Variants in KSR2 observed in about 807,000 individuals in gnomAD.
KSR2 encodes kinase suppressor of ras 2.
Under a neutral mutation model 107.8 loss-of-function variants are expected in KSR2, and 25 were observed. The observed-to-expected ratio is 0.23, with a 90% confidence interval of 0.17 to 0.32. The LOEUF is 0.32. KSR2 is among the 10% of genes least tolerant of loss of function. The pLI is 1.00. For synonymous variants in KSR2, 480 were observed against 507.0 expected, an observed-to-expected ratio of 0.95 and a Z score of 0.71; for missense variants, 887 against 1,268.9, an observed-to-expected ratio of 0.70 and a Z score of 4.57.
At chr12:117,502,796 C>T (rs1873457570) in intron 14 of KSR2, among the ~76,000 whole-genome samples, 1 of 152,168 alleles carries the variant, frequency 6.6e-6, no homozygotes, top group South Asian at 2.1e-4. Flanking sequence ...AAATAAAACA[C>T]CCTGATTTCA....
intron 16 of KSR2, among the ~76,000 whole-genome samples, chr12:117,482,441 G>T (rs1431485479): frequency 6.6e-6 from 1 of 152,172 alleles, no homozygotes; most frequent in Non-Finnish European, 1.5e-5. Context: ...AAGGATAAAA[G>T]CACAAGAAGT....
At chr12:117,478,546 A>G (rs1480690563) in intron 16 of KSR2, among the ~76,000 whole-genome samples, 1 of 151,744 alleles carries the variant, frequency 6.6e-6, no homozygotes. Flanking sequence ...CGACCCTCCC[A>G]TCTTCAGCCT....
rs201002406 is a variant in KSR2 at position 117,531,676 on chromosome 12, G to A, written c.1719C>T (p.Phe573=). The A allele has an allele frequency of 3.1e-4, 501 of 1,604,178 alleles. 1 individual carries two copies. In the African/African-American group the frequency reaches 5.9e-3, roughly 19 times the overall value. Residue 573 remains phenylalanine (F), a synonymous_variant, in exon 11 of 20, where the codon TTC becomes TTT. Coordinates refer to ENST00000339824, the MANE Select transcript of KSR2 (RefSeq NM_173598.6). ...ASHYYKYKQQ[F]IFPDVVPVPE... is the part of the protein sequence containing the mutation. ...TCACATGAAACTCACCTGGGAAGATGAACTGCTGCTTGTATTTGTAGTAGT... is the reference window on the plus strand; with the variant it reads ...TCACATGAAACTCACCTGGGAAGATAAACTGCTGCTTGTATTTGTAGTAGT...
chr12:117,549,737 TA>T (rs1565895636), intron 9 of KSR2, among the ~76,000 whole-genome samples: 1 of 152,058 alleles, frequency 6.6e-6, no homozygotes, highest in Non-Finnish European at 1.5e-5. Context: ...TCTGCAAAAC[TA>T]AGCACAGAAA....
At chr12:117,956,570 TA>T (rs1324544411) in intron 1 of KSR2, among the ~76,000 whole-genome samples, 1 of 152,034 alleles carries the variant, frequency 6.6e-6, no homozygotes, top group Non-Finnish European at 1.5e-5. Flanking sequence ...TTTGTCTCGC[TA>T]AAAAATAAAA....
intron 5 of KSR2, among the ~76,000 whole-genome samples, chr12:117,616,033 A>G (rs1425820949): frequency 2.0e-5 from 3 of 152,034 alleles, no homozygotes; most frequent in Non-Finnish European, 4.4e-5. Flanking sequence ...ACACGCCCAT[A>G]GTCCCAGATA....
At chr12:117,961,487 T>A (rs1230215030) in intron 1 of KSR2, among the ~76,000 whole-genome samples, 2 of 152,174 alleles carry the variant, frequency 1.3e-5, no homozygotes, top group South Asian at 2.1e-4. Context: ...GCCATGGGAC[T>A]TATATTATCT....
In KSR2 at chr12:117,869,740, G is replaced by C. The variant is rs140780313; in HGVS notation, c.181-9309C>G. 1.5e-3 allele frequency among the ~76,000 whole-genome samples: 230 copies of C among 152,284 alleles called. 1 individual carries two copies. Among genetic ancestry groups the C allele is most frequent in the African/African-American group, 5.3e-3 (219 of 41,550 alleles). ...TGCATGAAGGATTCCTTTGATACCT[G>C]GGTGAAAAGCCCATGATGTGAGCAG... On this transcript the variant is annotated intron_variant, in intron 1 of 19. Transcript: ENST00000339824.
At chr12:117,585,485 T>TGCA (rs1879929647) in intron 5 of KSR2, among the ~76,000 whole-genome samples, 1 of 152,222 alleles carries the variant, frequency 6.6e-6, no homozygotes, top group Non-Finnish European at 1.5e-5. Context: ...ATTAAGTGGC[T>TGCA]GCAGCATCAT....
intron 14 of KSR2, among the ~76,000 whole-genome samples, chr12:117,502,583 A>C (rs1187509542): frequency 6.6e-6 from 1 of 152,126 alleles, no homozygotes; most frequent in Non-Finnish European, 1.5e-5. Context: ...CTAAAATTAG[A>C]TTTTGGTGAT....
intron 16 of KSR2, among the ~76,000 whole-genome samples, chr12:117,478,326 A>C (rs1871927024): frequency 6.6e-6 from 1 of 152,228 alleles, no homozygotes; most frequent in African/African-American, 2.4e-5. Context: ...ATTATGCCAG[A>C]AATATCCTCT....
intron 1 of KSR2, among the ~76,000 whole-genome samples, chr12:117,947,253 GAAAGAAGATAA>G (rs1566094716): frequency 0.012 from 1,421 of 123,406 alleles, 13 homozygotes; most frequent in Middle Eastern, 0.022. Flanking sequence ...AAGAAAGAAA[GAAAGAAGATAA>G]ACCACATGAC....
intron 5 of KSR2, among the ~76,000 whole-genome samples, chr12:117,665,736 AC>A (rs1884632701): frequency 6.6e-6 from 1 of 152,208 alleles, no homozygotes; most frequent in South Asian, 2.1e-4. Flanking sequence ...TCTAATCCTC[AC>A]AACTGTCTAC....
At chr12:117,885,608 TTATA>T (rs917375750) in intron 1 of KSR2, among the ~76,000 whole-genome samples, 14 of 151,676 alleles carry the variant, frequency 9.2e-5, no homozygotes, top group African/African-American at 3.4e-4. Flanking sequence ...ATACCTATAA[TTATA>T]TATGTGTATT....
intron 1 of KSR2, among the ~76,000 whole-genome samples, chr12:117,955,034 T>A (rs193064342): frequency 0.086 from 12,884 of 150,018 alleles, 678 homozygotes; most frequent in Middle Eastern, 0.17. Context: ...AAAAAAAAAA[T>A]TTGCCATGTA....
At chr12:117,608,584 T>C (rs1280543506) in intron 5 of KSR2, among the ~76,000 whole-genome samples, 2 of 152,232 alleles carry the variant, frequency 1.3e-5, no homozygotes, top group East Asian at 3.9e-4. Flanking sequence ...CCACCCTATG[T>C]ATAGGTGCCC....
In KSR2 at chr12:117,833,241, T is replaced by C. The variant is rs754939847; in HGVS notation, c.472+22187A>G. ...AATAAAAATCAAAGGAAGTCATCCA[T>C]GGAAATTCCTCACACATGATGTGTC... On this transcript the variant is annotated intron_variant, in intron 3 of 19. Coordinates refer to ENST00000339824, the MANE Select transcript of KSR2 (RefSeq NM_173598.6). Among the ~76,000 whole-genome samples, 39 of 152,324 alleles carry C rather than the reference T, an allele frequency of 2.6e-4. 1 individual carries two copies. Among genetic ancestry groups the C allele is most frequent in the South Asian group, 1.4e-3 (7 of 4,832 alleles).
intron 4 of KSR2, among the ~76,000 whole-genome samples, chr12:117,682,783 C>T (rs1264787273): frequency 3.3e-5 from 5 of 151,968 alleles, no homozygotes; most frequent in African/African-American, 9.7e-5. Flanking sequence ...AGTTGACCAA[C>T]AAGAATGGAA....
chr12:117,682,607 C>T (rs928026450), intron 4 of KSR2, among the ~76,000 whole-genome samples: 4 of 152,124 alleles, frequency 2.6e-5, no homozygotes, highest in African/African-American at 7.2e-5. Flanking sequence ...TTTAGTGAGA[C>T]GGGGTTTCTC....
Sources: gnomAD v4.1 joint callset for allele counts (sites outside exome capture counted in the v4.1 genomes callset) on GRCh38, gnomAD v4.1.1 for gene constraint, MANE v1.5 for transcripts, NCBI Gene and HGNC (gene_info 2026-07-23, HGNC 2026-07-21) for gene names.